Variants in ADAMTSL2 observed in about 807,000 individuals in gnomAD.
ADAMTSL2 encodes the protein ADAMTS-like protein 2.
Under a neutral mutation model 117.0 loss-of-function variants are expected in ADAMTSL2, and 55 were observed. The ratio of observed to expected loss-of-function variants is 0.47; its 90% CI spans 0.38 to 0.59. The LOEUF (loss-of-function observed/expected upper bound fraction) is 0.59, where lower values mean the gene tolerates loss of function less well. ADAMTSL2 is among the 20% of genes least tolerant of loss of function. The pLI is 0.00. For missense variants in ADAMTSL2, 1,182 were observed against 1,354.5 expected (o/e 0.87, Z 2.00); for synonymous variants, 572 against 566.4 (o/e 1.01, Z -0.14).
chr9:133,560,366 C>T (rs1275098878), intron 11 of ADAMTSL2, among the ~76,000 whole-genome samples: 5 of 152,212 alleles, frequency 3.3e-5, no homozygotes, highest in East Asian at 3.8e-4. Flanking sequence ...GGCTCAGGGG[C>T]GGCGGGACTC....
At chr9:133,548,016 TGTG>T (rs1428944992) in intron 9 of ADAMTSL2, among the ~76,000 whole-genome samples, 2 of 152,260 alleles carry the variant, frequency 1.3e-5, no homozygotes, top group Non-Finnish European at 1.5e-5. Context: ...GAAGGGCAGT[TGTG>T]GTGCCCGTCA....
intron 12 of ADAMTSL2, among the ~76,000 whole-genome samples, chr9:133,563,818 G>GGAGAGAGAGAGAGAGAGAGAGAGAGA (rs1359493983): frequency 3.0e-5 from 1 of 33,492 alleles, no homozygotes; most frequent in Non-Finnish European, 6.3e-5. Flanking sequence ...AGAGAAAGGG[G>GGAGAGAGAGAGAGAGAGAGAGAGAGA]GAGAGAGAGA....
At chr9:133,533,150 G>GGT (rs1829975009), upstream of ADAMTSL2, among the ~76,000 whole-genome samples, 1 of 138,830 alleles carries the variant, frequency 7.2e-6, no homozygotes, top group South Asian at 2.5e-4. Flanking sequence ...AGAGGGACTG[G>GGT]GTGTGTGTGT....
intron 4 of ADAMTSL2, among the ~76,000 whole-genome samples, chr9:133,539,159 G>A (rs145632348): frequency 6.0e-4 from 91 of 152,274 alleles, no homozygotes; most frequent in African/African-American, 2.1e-3. Context: ...CTGTGTTGGC[G>A]TCACCTGGTC....
rs1463797992 is a variant in ADAMTSL2, at chr9:133,554,420, C to G, written c.1003C>G (p.His335Asp). 3.8e-6 allele frequency: 6 copies of G among 1,566,218 alleles called. No individual in the cohort carries two copies. The highest frequency in any genetic ancestry group is 5.2e-6 in the Non-Finnish European group (6 of 1,156,320). The change falls in exon 10 of 19, where the codon CAC becomes GAC. Residue 335 changes from histidine (H) to aspartate (D), a missense_variant. His to Asp is a moderately conservative substitution (Grantham distance 81). Coordinates refer to ENST00000651351, the MANE Select transcript of ADAMTSL2 (RefSeq NM_014694.4). This position sits in a 1 kb window ranked among gnomAD's most constrained non-coding sequence, Gnocchi z 5.2. ...CGAGTACACGCTGCTGCAGCCGCCA[C>G]ACGAGAGCCGCCCCCAGCCCATCTA... ...TFEYTLLQPPHESRPQPIYYG... is the reference protein window; with the variant it reads ...TFEYTLLQPPDESRPQPIYYG...
upstream of ADAMTSL2, chr9:133,534,549 G>T: frequency 1.1e-6 from 1 of 890,048 alleles, no homozygotes; most frequent in Non-Finnish European, 1.5e-6. Flanking sequence ...CCAACAGGCA[G>T]CTGGGCCGGC....
intron 2 of ADAMTSL2, 152 bp from the exon 3 acceptor site, chr9:133,537,253 C>T: frequency 1.2e-6 from 1 of 837,492 alleles, no homozygotes; most frequent in Non-Finnish European, 1.6e-6. Flanking sequence ...GAGATCTGAA[C>T]CCAAGCTGCC....
chr9:133,542,627 A>G (rs908061188), intron 7 of ADAMTSL2, among the ~76,000 whole-genome samples: 2 of 152,216 alleles, frequency 1.3e-5, no homozygotes, highest in African/African-American at 4.8e-5. Flanking sequence ...CAAGGCTGGC[A>G]CTATTACTGT....
At position 133,557,227 on chromosome 9, in the gene ADAMTSL2, C is replaced by A. The variant is rs1380715358; in HGVS notation, c.1649+1297C>A. Among the ~76,000 whole-genome samples, 1 of 152,286 alleles carries A rather than the reference C, an allele frequency of 6.6e-6. No individual in the cohort carries two copies. The highest frequency in any genetic ancestry group is 1.9e-4 in the East Asian group (1 of 5,180). ...GCCAACCTCCCTGGTGAGCCAGGAG[C>A]CCCAGGGGATGCCTGCCGCTTTTCT... On this transcript the variant is annotated intron_variant, in intron 11 of 18. Transcript: ENST00000651351. This position sits in a 1 kb window ranked among gnomAD's most constrained non-coding sequence, Gnocchi z 5.2.
chr9:133,533,051 G>A (rs898119116), upstream of ADAMTSL2, among the ~76,000 whole-genome samples: 1 of 152,220 alleles, frequency 6.6e-6, no homozygotes, highest in African/African-American at 2.4e-5. Context: ...CTCGGGGACT[G>A]TGCCAAGGGG....
intron 1 of ADAMTSL2, among the ~76,000 whole-genome samples, chr9:133,535,783 C>T (rs1267346990): frequency 2.6e-5 from 4 of 152,146 alleles, no homozygotes; most frequent in African/African-American, 7.2e-5. Flanking sequence ...AGCACCTGAG[C>T]AAGGCCTGGA....
chr9:133,561,097 C>A, intron 11 of ADAMTSL2, 101 bp from the exon 12 acceptor site: 2 of 993,444 alleles, frequency 2.0e-6, no homozygotes, highest in Non-Finnish European at 3.1e-6. Context: ...GTGCTTCAGG[C>A]GAACATACCC....
rs1357272195 is a variant in ADAMTSL2, at chr9:133,565,080, G to A, written c.1748-1856G>A. 3.9e-5 allele frequency among the ~76,000 whole-genome samples: 6 copies of A among 152,242 alleles called. No individual in the cohort carries two copies. In the South Asian group the frequency reaches 6.2e-4, roughly 16 times the overall value. On this transcript the variant is annotated intron_variant, in intron 12 of 18. Transcript: ENST00000651351. ...TAGGTGGAAGTTTCTGCTGCCCTTC[G>A]GCGCTCCAGGGCACCGTGGTGAGGA...
At chr9:133,540,393 GAA>G (rs1830187776) in intron 5 of ADAMTSL2, among the ~76,000 whole-genome samples, 1 of 152,246 alleles carries the variant, frequency 6.6e-6, no homozygotes, top group South Asian at 2.1e-4. Flanking sequence ...CGAGGAGGTA[GAA>G]GCTGGAACTC....
chr9:133,574,634 A>G, intron 18 of ADAMTSL2, 112 bp from the exon 19 acceptor site: 1 of 861,820 alleles, frequency 1.2e-6, no homozygotes, highest in Middle Eastern at 2.2e-4. Flanking sequence ...GAGACCCACC[A>G]CGGGGTGGGA....
chr9:133,570,406 A>G lies in ADAMTSL2; in HGVS notation c.2491A>G (p.Thr831Ala). The change falls in exon 17 of 19, where the codon ACG becomes GCG. Residue 831 changes from threonine to alanine, a missense_variant. Thr to Ala is a moderately conservative substitution (Grantham distance 58). Transcript: ENST00000651351. ...GGAGCTGGCCAACGGGAAGCCGCAG[A>G]CGCGCAGTGGCCCCGAGTGCGGGCT... ...CMELANGKPQTRSGPECGLAK... is the reference protein window; with the variant it reads ...CMELANGKPQARSGPECGLAK... 1.3e-6 allele frequency: 2 copies of G among 1,589,146 alleles called. No individual in the cohort carries two copies. The highest frequency in any genetic ancestry group is 1.7e-6 in the Non-Finnish European group (2 of 1,168,848).
chr9:133,571,895 G>T (rs943472197), intron 17 of ADAMTSL2, among the ~76,000 whole-genome samples: 1 of 152,192 alleles, frequency 6.6e-6, no homozygotes. Context: ...CAAAATGGGG[G>T]TGTCAGACGG....
At chr9:133,534,608 G>T, upstream of ADAMTSL2, 1 of 1,266,400 alleles carries the variant, frequency 7.9e-7, no homozygotes, top group Non-Finnish European at 1.0e-6. Context: ...GCGCCAGGCC[G>T]GCCGGCGCGG....
chr9:133,543,865 G>C lies in ADAMTSL2; in HGVS notation c.683-605G>C, dbSNP rs528359162. ...CCCTTGGTTTCTTTCTAGCTGGGAG[G>C]ACTGCATGGCTGCCTCCGCACGGGC... On this transcript the variant is annotated intron_variant, in intron 7 of 18. Coordinates refer to ENST00000651351, the MANE Select transcript of ADAMTSL2 (RefSeq NM_014694.4). 4.6e-5 allele frequency among the ~76,000 whole-genome samples: 7 copies of C among 152,302 alleles called. No individual in the cohort carries two copies. In the South Asian group the frequency reaches 1.0e-3, roughly 23 times the overall value.
Sources: gnomAD v4.1 joint callset for allele counts (sites outside exome capture counted in the v4.1 genomes callset) on GRCh38, gnomAD v4.1.1 for gene constraint, Gnocchi (gnomAD v3.1) non-coding constraint, MANE v1.5 for transcripts, NCBI Gene and HGNC (gene_info 2026-07-23, HGNC 2026-07-21) for gene names.